Variants in MARCHF4 observed in about 807,000 individuals in gnomAD.
MARCHF4 encodes membrane associated ring-CH-type finger 4.
A neutral mutation model predicts 43.9 loss-of-function variants in MARCHF4; 14 were observed. That is an observed-to-expected ratio of 0.32 (90% CI 0.21 to 0.50). The LOEUF is 0.50. Among genes scored for constraint, MARCHF4 ranks in the 20% least tolerant of loss-of-function variants. The probability of loss-of-function intolerance (pLI) is 0.98; values close to 1 mark genes in which losing one functional copy is unlikely to be tolerated. For synonymous variants in MARCHF4, 226 were observed against 213.3 expected, an observed-to-expected ratio of 1.06 and a Z score of -0.52; for missense variants, 468 against 536.7, an observed-to-expected ratio of 0.87 and a Z score of 1.27.
At chr2:216,304,529 C>T (rs928900507) in intron 1 of MARCHF4, among the ~76,000 whole-genome samples, 20 of 152,190 alleles carry the variant, frequency 1.3e-4, no homozygotes, top group African/African-American at 4.6e-4. Flanking sequence ...AGGTTGATCA[C>T]CTCTTCTCTT....
At chr2:216,271,520 AT>A (rs1341542269) in intron 3 of MARCHF4, among the ~76,000 whole-genome samples, 1 of 152,126 alleles carries the variant, frequency 6.6e-6, no homozygotes, top group African/African-American at 2.4e-5. Context: ...AGGGCAAGGA[AT>A]TGTGTCTTAT....
intron 1 of MARCHF4, among the ~76,000 whole-genome samples, chr2:216,287,822 T>C (rs1038665100): frequency 6.6e-6 from 1 of 152,022 alleles, no homozygotes; most frequent in Non-Finnish European, 1.5e-5. Context: ...AGAACATGGT[T>C]TTGGGAAACA....
rs1020844668 is a variant in MARCHF4, at chr2:216,370,268, G to T, written c.-8C>A. ...ACACAGGGGCATCAGCATGTGCCCC[G>T]TGGAAGTAGAGAGCCCAAGAGGGGT... On this transcript the variant is annotated 5_prime_UTR_variant, in exon 1 of 4. Coordinates refer to ENST00000273067, the MANE Select transcript of MARCHF4 (RefSeq NM_020814.3). 12 of 1,591,008 alleles carry T rather than the reference G, an allele frequency of 7.5e-6. No homozygotes were observed. The highest frequency in any genetic ancestry group is 1.3e-5 in the African/African-American group (1 of 74,360).
chr2:216,290,220 T>C (rs1351295600), intron 1 of MARCHF4, among the ~76,000 whole-genome samples: 1 of 152,118 alleles, frequency 6.6e-6, no homozygotes, highest in Non-Finnish European at 1.5e-5. Context: ...ATAGGGTGAC[T>C]GTGTATGAAG....
At chr2:216,303,981 G>A (rs1691539966) in intron 1 of MARCHF4, among the ~76,000 whole-genome samples, 1 of 152,098 alleles carries the variant, frequency 6.6e-6, no homozygotes, top group Non-Finnish European at 1.5e-5. Flanking sequence ...AACAGCTACT[G>A]GAAACCTCCT....
chr2:216,285,563 G>A (rs149765904), intron 1 of MARCHF4, among the ~76,000 whole-genome samples: 16 of 152,310 alleles, frequency 1.1e-4, no homozygotes, highest in African/African-American at 3.4e-4. Flanking sequence ...TTTTATGAAC[G>A]AGAAGTTTTG....
intron 3 of MARCHF4, among the ~76,000 whole-genome samples, chr2:216,272,738 G>T (rs573598915): frequency 6.6e-6 from 1 of 152,182 alleles, no homozygotes; most frequent in African/African-American, 2.4e-5. Context: ...CCAAAGCAAC[G>T]TACGTTTGGC....
At chr2:216,288,083 C>T (rs749184703) in intron 1 of MARCHF4, among the ~76,000 whole-genome samples, 166 of 152,290 alleles carry the variant, frequency 1.1e-3, no homozygotes, top group Admixed American at 2.4e-3. Flanking sequence ...CCACCTCAGC[C>T]TCTTGAGTAG....
chr2:216,279,014 A>G (rs1432488826), intron 2 of MARCHF4, among the ~76,000 whole-genome samples: 1 of 152,234 alleles, frequency 6.6e-6, no homozygotes, highest in African/African-American at 2.4e-5. Context: ...GCGAAAACAG[A>G]CAAGGTGCCT....
chr2:216,343,407 C>T lies in MARCHF4; in HGVS notation c.516+26338G>A, dbSNP rs571279716. 9.2e-5 allele frequency among the ~76,000 whole-genome samples: 14 copies of T among 152,266 alleles called. No homozygotes were observed. In the South Asian group the frequency reaches 2.9e-3, roughly 32 times the overall value. Reference sequence around the variant, plus strand: ...TAGTCTCTTGCTTTTCTCATAAGGACACTAATCCCATCATGGAGAATCTAC... The same window carrying T: ...TAGTCTCTTGCTTTTCTCATAAGGATACTAATCCCATCATGGAGAATCTAC... On this transcript the variant is annotated intron_variant, in intron 1 of 3. Coordinates refer to ENST00000273067, the MANE Select transcript of MARCHF4 (RefSeq NM_020814.3).
intron 3 of MARCHF4, among the ~76,000 whole-genome samples, chr2:216,273,733 C>T (rs1238828273): frequency 2.6e-5 from 4 of 152,160 alleles, no homozygotes; most frequent in South Asian, 2.1e-4. Flanking sequence ...AGATGCCTCC[C>T]GTGGCTCCTG....
chr2:216,268,728 C>T (rs17822186), intron 3 of MARCHF4, among the ~76,000 whole-genome samples: 21,556 of 152,206 alleles, frequency 0.14, 1,594 homozygotes, highest in South Asian at 0.24. Flanking sequence ...CCTAGTTTCT[C>T]GTACTGCACT....
intron 1 of MARCHF4, among the ~76,000 whole-genome samples, chr2:216,354,976 T>A (rs1356201916): frequency 1.5e-5 from 2 of 136,142 alleles, no homozygotes; most frequent in Non-Finnish European, 3.1e-5. Flanking sequence ...TCTTTCTTTC[T>A]TTCTTTCTTT....
At chr2:216,287,458 G>C (rs1042270058) in intron 1 of MARCHF4, among the ~76,000 whole-genome samples, 4 of 152,056 alleles carry the variant, frequency 2.6e-5, no homozygotes, top group African/African-American at 9.7e-5. Context: ...TCTGCTCAGA[G>C]TGCTGGGGCC....
At chr2:216,287,782 G>C (rs1051062771) in intron 1 of MARCHF4, among the ~76,000 whole-genome samples, 2 of 150,064 alleles carry the variant, frequency 1.3e-5, no homozygotes, top group African/African-American at 5.0e-5. Context: ...AAAACTTAAA[G>C]TATAATAATA....
chr2:216,323,845 C>T (rs1050804873), intron 1 of MARCHF4, among the ~76,000 whole-genome samples: 3 of 151,942 alleles, frequency 2.0e-5, no homozygotes, highest in Non-Finnish European at 4.4e-5. Flanking sequence ...GCACTAAATG[C>T]CCACAAGAGA....
chr2:216,280,401 T>A (rs1276027762), intron 2 of MARCHF4, among the ~76,000 whole-genome samples: 4 of 152,164 alleles, frequency 2.6e-5, no homozygotes, highest in Non-Finnish European at 5.9e-5. Flanking sequence ...AGGGATCAGA[T>A]GACCCGATCC....
At chr2:216,276,895 C>T (rs1253368136) in intron 3 of MARCHF4, among the ~76,000 whole-genome samples, 1 of 152,064 alleles carries the variant, frequency 6.6e-6, no homozygotes, top group African/African-American at 2.4e-5. Flanking sequence ...ACCCAAACTA[C>T]ATGGTGGAAG....
At chr2:216,348,430 G>A (rs1692353897) in intron 1 of MARCHF4, among the ~76,000 whole-genome samples, 1 of 152,146 alleles carries the variant, frequency 6.6e-6, no homozygotes, top group Admixed American at 6.6e-5. Flanking sequence ...TGGCAGTAAA[G>A]AAGCTGGCCA....
Sources: allele counts gnomAD v4.1 joint callset (sites outside exome capture counted in the v4.1 genomes callset), GRCh38; gene constraint gnomAD v4.1.1; transcripts MANE v1.5; gene names NCBI Gene and HGNC (gene_info 2026-07-23, HGNC 2026-07-21).